Variants in GDAP2 observed in about 807,000 individuals in gnomAD.
GDAP2 encodes the protein ganglioside induced differentiation associated protein 2.
A neutral mutation model predicts 67.0 loss-of-function variants in GDAP2; 51 were observed. That is an observed-to-expected ratio of 0.76 (90% CI 0.61 to 0.96). The LOEUF (loss-of-function observed/expected upper bound fraction) is 0.96. Among genes scored for constraint, GDAP2 ranks in the 40% least tolerant of loss-of-function variants. The pLI is 0.00. For synonymous variants in GDAP2, 203 were observed against 207.3 expected, an observed-to-expected ratio of 0.98 and a Z score of 0.18; for missense variants, 547 against 588.3, an observed-to-expected ratio of 0.93 and a Z score of 0.73.
intron 1 of GDAP2, among the ~76,000 whole-genome samples, chr1:117,921,759 G>T (rs1040019800): frequency 6.6e-6 from 1 of 152,140 alleles, no homozygotes; most frequent in African/African-American, 2.4e-5. Flanking sequence ...TATTTGAAAA[G>T]AATACTGTAG....
chr1:117,917,957 C>G (rs1251338128), intron 3 of GDAP2, among the ~76,000 whole-genome samples: 2 of 152,078 alleles, frequency 1.3e-5, no homozygotes, highest in African/African-American at 2.4e-5. Context: ...GTTTCTGGAT[C>G]AAAAAATGCA....
Position 117,878,130 on chromosome 1 carries a change from G to A in GDAP2, c.1325C>T (p.Thr442Ile), listed in dbSNP as rs1648528792. The A allele has an allele frequency of 1.9e-6, 3 of 1,596,484 alleles. No homozygotes were observed. The highest frequency in any genetic ancestry group is 1.7e-4 in the Middle Eastern group (1 of 6,006). ...RSKVSTWFFT[T>I]FSVSGLKDKI... ...GTCCTTCAGTCCTGAGACAGAAAAGGTGGTAAAAAACCATGTTGACACCTG... is the reference window on the plus strand; with the variant it reads ...GTCCTTCAGTCCTGAGACAGAAAAGATGGTAAAAAACCATGTTGACACCTG... The change falls in exon 13 of 14, where the codon ACC (threonine) becomes ATC (isoleucine). Residue 442 changes from threonine to isoleucine, a missense_variant. Physicochemically the swap from Thr to Ile is moderately conservative, Grantham distance 89 (BLOSUM62 -1). Coordinates refer to ENST00000369443, the MANE Select transcript of GDAP2 (RefSeq NM_017686.4).
chr1:117,925,063 T>C (rs1650396283), intron 1 of GDAP2, among the ~76,000 whole-genome samples: 1 of 152,218 alleles, frequency 6.6e-6, no homozygotes, highest in Non-Finnish European at 1.5e-5. Context: ...AGTTTTCAGT[T>C]TGTAAACTTG....
At chr1:117,896,467 T>C (rs1649269340) in intron 8 of GDAP2, 1 of 160,966 alleles carries the variant, frequency 6.2e-6, no homozygotes, top group South Asian at 2.0e-4. Context: ...CTGTAGATTA[T>C]GCTTTAATTA....
At chr1:117,929,380 G>C (rs954012914) in intron 1 of GDAP2, 68 bp downstream of exon 1, 1 of 152,858 alleles carries the variant, frequency 6.5e-6, no homozygotes, top group African/African-American at 2.4e-5. Context: ...CGAGTCCCGA[G>C]CGCCTCGGAC....
chr1:117,923,018 T>TG (rs1257447108), intron 1 of GDAP2, among the ~76,000 whole-genome samples: 5 of 152,170 alleles, frequency 3.3e-5, no homozygotes, highest in Non-Finnish European at 7.4e-5. Flanking sequence ...TATTCCTTAC[T>TG]GGGGAAAGAA....
chr1:117,912,797 A>C (rs568898554), intron 3 of GDAP2, 114 bp from the exon 4 acceptor site: 4 of 859,858 alleles, frequency 4.7e-6, no homozygotes. Context: ...TTCAGTTAAA[A>C]ATACAGACTG....
At chr1:117,925,574 T>C (rs917238965) in intron 1 of GDAP2, among the ~76,000 whole-genome samples, 3 of 152,208 alleles carry the variant, frequency 2.0e-5, no homozygotes, top group African/African-American at 7.2e-5. Context: ...TGGTACAATT[T>C]TGAATCCAGT....
intron 12 of GDAP2, 119 bp from the exon 13 acceptor site, chr1:117,878,271 T>C: frequency 1.9e-6 from 1 of 537,908 alleles, no homozygotes; most frequent in Non-Finnish European, 3.3e-6. Flanking sequence ...ATAACTAGTG[T>C]TTTCAAAGCG....
intron 1 of GDAP2, 117 bp from the exon 2 acceptor site, chr1:117,920,541 T>C (rs562673547): frequency 1.2e-5 from 5 of 406,074 alleles, no homozygotes; most frequent in South Asian, 1.0e-4. Flanking sequence ...TGTGTGATTA[T>C]AGCCACTTAA....
intron 3 of GDAP2, among the ~76,000 whole-genome samples, chr1:117,913,763 G>A (rs557884272): frequency 3.9e-5 from 6 of 152,164 alleles, no homozygotes; most frequent in East Asian, 1.9e-4. Context: ...TGAATGCTTC[G>A]GTTCCCTCAA....
intron 5 of GDAP2, among the ~76,000 whole-genome samples, chr1:117,909,627 T>C (rs1649781559): frequency 6.6e-6 from 1 of 152,212 alleles, no homozygotes; most frequent in Non-Finnish European, 1.5e-5. Context: ...TTGAATGAAA[T>C]GCTACAGTTT....
chr1:117,889,116 G>T lies in GDAP2; in HGVS notation c.954-1342C>A, dbSNP rs1648968803. Among the ~76,000 whole-genome samples, 6 of 152,040 alleles carry T rather than the reference G, an allele frequency of 3.9e-5. 2 individuals are homozygous for T. The South Asian group carries it at 1.2e-3, about 31-fold the overall frequency. On this transcript the variant is annotated intron_variant, in intron 8 of 13. Transcript: ENST00000369443. ...AGTCAAGAAAATGCCTATGTTTATT[G>T]TAGTTCTCCCTAAATCATATGCACT...
rs780864168 is a variant in GDAP2, at chr1:117,867,273, A to G, written c.*3296T>C. The G allele has an allele frequency of 9.2e-5, 14 of 152,164 alleles. No individual in the cohort carries two copies. The highest frequency in any genetic ancestry group is 1.9e-4 in the Non-Finnish European group (13 of 68,038). 9.4% of individuals were successfully genotyped at this position (152,164 alleles called of 1,614,324 possible). On this transcript the variant is annotated 3_prime_UTR_variant, in exon 14 of 14. Coordinates refer to ENST00000369443, the MANE Select transcript of GDAP2 (RefSeq NM_017686.4). Reference sequence around the variant, plus strand: ...GTGACTATACTTATCCCTCTTTAAAAAGAAGTGATATTTTCAATTTCAGAA... The same window carrying G: ...GTGACTATACTTATCCCTCTTTAAAGAGAAGTGATATTTTCAATTTCAGAA...
intron 8 of GDAP2, among the ~76,000 whole-genome samples, chr1:117,894,509 G>C (rs1381126434): frequency 1.3e-5 from 2 of 152,140 alleles, no homozygotes; most frequent in African/African-American, 4.8e-5. Context: ...GAATGTCTTC[G>C]ATGTAGAAGT....
At position 117,881,845 on chromosome 1, in the gene GDAP2, A is replaced by G; in HGVS notation, c.1280T>C (p.Val427Ala). ...TACCTTTGAACGAAATGTGGGATGT[A>G]CAAAATAAACAGCCTTCAAATTCCT... ...YKRNLKAVYF[V>A]HPTFRSKVST... The change falls in exon 12 of 14, where the codon GTA becomes GCA. Residue 427 changes from valine (V) to alanine (A), a missense_variant. Transcript: ENST00000369443. 6.3e-7 allele frequency: 1 copy of G among 1,577,584 alleles called. No homozygotes were observed. Among genetic ancestry groups the G allele is most frequent in the Non-Finnish European group, 8.7e-7 (1 of 1,146,790 alleles).
chr1:117,874,474 T>G (rs990371429), intron 13 of GDAP2, among the ~76,000 whole-genome samples: 1 of 152,164 alleles, frequency 6.6e-6, no homozygotes, highest in Non-Finnish European at 1.5e-5. Flanking sequence ...TGATGCTTCT[T>G]GTACAGCCTG....
chr1:117,916,368 G>T (rs1650043870), intron 3 of GDAP2, among the ~76,000 whole-genome samples: 1 of 152,204 alleles, frequency 6.6e-6, no homozygotes. Flanking sequence ...GAAAGGAAAA[G>T]GGGGCATGGG....
chr1:117,925,112 A>C (rs1650398411), intron 1 of GDAP2, among the ~76,000 whole-genome samples: 1 of 152,216 alleles, frequency 6.6e-6, no homozygotes, highest in African/African-American at 2.4e-5. Flanking sequence ...TTTTAAGATA[A>C]CTTTTCTTTC....
Sources: gnomAD v4.1 joint callset for allele counts (sites outside exome capture counted in the v4.1 genomes callset) on GRCh38, gnomAD v4.1.1 for gene constraint, MANE v1.5 for transcripts, NCBI Gene and HGNC (gene_info 2026-07-23, HGNC 2026-07-21) for gene names.